Variants in PDHX observed in about 807,000 individuals in gnomAD.
PDHX encodes the protein pyruvate dehydrogenase complex component X.
In PDHX, 33 loss-of-function variants were observed where a neutral mutation model predicts 55.3. That is an observed-to-expected ratio of 0.60 (90% CI 0.45 to 0.80). The LOEUF (loss-of-function observed/expected upper bound fraction) is 0.80, where lower values mean the gene tolerates loss of function less well. PDHX is among the 30% of genes least tolerant of loss of function. The pLI is 0.00. For synonymous variants in PDHX, 226 were observed against 219.4 expected (o/e 1.03, Z -0.27); for missense variants, 622 against 619.9 (o/e 1.00, Z -0.04).
intron 2 of PDHX, among the ~76,000 whole-genome samples, chr11:34,935,241 C>T (rs1382924721): frequency 6.6e-6 from 1 of 151,966 alleles, no homozygotes; most frequent in African/African-American, 2.4e-5. Flanking sequence ...AGATGAGAAA[C>T]TAGTACCAGA....
At chr11:34,961,456 TTA>T (rs1314281406) in intron 5 of PDHX, among the ~76,000 whole-genome samples, 3 of 152,046 alleles carry the variant, frequency 2.0e-5, no homozygotes, top group Non-Finnish European at 4.4e-5. Flanking sequence ...CAAATTGAGT[TTA>T]TGTTTTAAAG....
intron 9 of PDHX, among the ~76,000 whole-genome samples, chr11:34,988,378 TA>T (rs1855695148): frequency 6.6e-6 from 1 of 152,148 alleles, no homozygotes; most frequent in South Asian, 2.1e-4. Flanking sequence ...AAAGAGAGGT[TA>T]AATAATTTGC....
At chr11:34,944,282 G>A (rs1433196784) in intron 2 of PDHX, among the ~76,000 whole-genome samples, 2 of 151,792 alleles carry the variant, frequency 1.3e-5, no homozygotes, top group African/African-American at 4.8e-5. Context: ...ACCTCTCCTG[G>A]CTAATTTTTG....
At chr11:34,986,411 C>G (rs1199516753) in intron 9 of PDHX, among the ~76,000 whole-genome samples, 3 of 151,358 alleles carry the variant, frequency 2.0e-5, no homozygotes, top group Admixed American at 2.0e-4. Flanking sequence ...TTGTGTTTAT[C>G]AAGGGTTTTC....
At chr11:34,982,266 C>G (rs1855532687) in intron 8 of PDHX, among the ~76,000 whole-genome samples, 1 of 152,150 alleles carries the variant, frequency 6.6e-6, no homozygotes, top group South Asian at 2.1e-4. Flanking sequence ...GGAATCGTTT[C>G]CCCATTTCTT....
intron 1 of PDHX, among the ~76,000 whole-genome samples, chr11:34,929,971 C>G (rs2133945127): frequency 6.6e-6 from 1 of 152,314 alleles, no homozygotes; most frequent in Non-Finnish European, 1.5e-5. Context: ...CTTAGTACAA[C>G]CCCACTTTAG....
intron 9 of PDHX, among the ~76,000 whole-genome samples, chr11:34,988,673 C>T (rs1855701300): frequency 6.6e-6 from 1 of 152,058 alleles, no homozygotes; most frequent in Admixed American, 6.6e-5. Flanking sequence ...GTTGATTCAC[C>T]AGGTAGAAGA....
At chr11:34,931,511 G>T in intron 2 of PDHX, 27 bp downstream of exon 2, 1 of 1,259,112 alleles carries the variant, frequency 7.9e-7, no homozygotes, top group African/African-American at 1.6e-5. Flanking sequence ...CTAATGTCCT[G>T]TGTGCTTTGT....
intron 2 of PDHX, among the ~76,000 whole-genome samples, chr11:34,933,467 G>A (rs1854225628): frequency 6.6e-6 from 1 of 152,248 alleles, no homozygotes; most frequent in South Asian, 2.1e-4. Flanking sequence ...ATGGGATAAA[G>A]CAAATGACTG....
intron 1 of PDHX, among the ~76,000 whole-genome samples, chr11:34,929,961 C>T (rs946657738): frequency 1.3e-5 from 2 of 152,224 alleles, no homozygotes; most frequent in South Asian, 4.1e-4. Flanking sequence ...GACTGGGCTT[C>T]TTAGTACAAC....
intron 7 of PDHX, among the ~76,000 whole-genome samples, chr11:34,972,429 G>A (rs968650776): frequency 2.7e-5 from 4 of 148,630 alleles, no homozygotes; most frequent in African/African-American, 1.0e-4. Context: ...ACAGGGTCTT[G>A]CTGTGTCACC....
At chr11:34,952,405 C>T (rs760706999) in intron 3 of PDHX, among the ~76,000 whole-genome samples, 5 of 152,158 alleles carry the variant, frequency 3.3e-5, no homozygotes, top group Non-Finnish European at 7.3e-5. Context: ...AATTTTAGAC[C>T]AGTATCCTTG....
intron 9 of PDHX, among the ~76,000 whole-genome samples, chr11:34,985,256 C>T (rs984833859): frequency 2.6e-5 from 4 of 152,180 alleles, no homozygotes; most frequent in Non-Finnish European, 4.4e-5. Context: ...ACCTGGCCAA[C>T]GTGGTGTAAC....
chr11:34,960,482 G>T lies in PDHX; in HGVS notation c.605G>T (p.Gly202Val). ...LEKHSLDASQ[G>V]TATGPRGIFT... is the part of the protein sequence containing the mutation. ...AAACACTCACTGGATGCTAGCCAGG[G>T]CACAGCCACTGGCCCTCGGGGGATA... is the stretch of plus-strand genomic sequence containing the variant. The change falls in exon 5 of 11, where the codon GGC becomes GTC. Residue 202 changes from glycine to valine, a missense_variant. Transcript: ENST00000227868. 1 of 1,612,866 alleles carries T rather than the reference G, an allele frequency of 6.2e-7. No homozygotes were observed. Among genetic ancestry groups the T allele is most frequent in the Non-Finnish European group, 8.5e-7 (1 of 1,179,072 alleles).
At chr11:34,980,389 G>T (rs2133993372) in intron 8 of PDHX, among the ~76,000 whole-genome samples, 1 of 86,950 alleles carries the variant, frequency 1.2e-5, no homozygotes, top group African/African-American at 4.2e-5. Flanking sequence ...GATTTATTGT[G>T]AAGAGCAAAA....
chr11:34,958,531 G>A (rs901799620), intron 4 of PDHX, among the ~76,000 whole-genome samples: 1 of 152,152 alleles, frequency 6.6e-6, no homozygotes, highest in Non-Finnish European at 1.5e-5. Flanking sequence ...TCGAACTCCT[G>A]ACTTCATGAT....
intron 6 of PDHX, 48 bp downstream of exon 6, chr11:34,966,862 T>TC (rs1855147200): frequency 6.4e-7 from 1 of 1,560,152 alleles, no homozygotes; most frequent in East Asian, 2.2e-5. Flanking sequence ...GTTTTTCTTT[T>TC]TTTTTTTGAG....
intron 6 of PDHX, 108 bp from the exon 7 acceptor site, chr11:34,970,031 G>A (rs914996476): frequency 2.3e-6 from 2 of 880,530 alleles, no homozygotes; most frequent in Non-Finnish European, 1.9e-6. Flanking sequence ...TAATTAATAA[G>A]TTAGGTCATT....
intron 1 of PDHX, among the ~76,000 whole-genome samples, chr11:34,929,888 A>C (rs887478976): frequency 6.6e-6 from 1 of 152,228 alleles, no homozygotes; most frequent in Non-Finnish European, 1.5e-5. Flanking sequence ...TAAGACAGAT[A>C]GAGATCAAAT....
Sources: allele counts gnomAD v4.1 joint callset (sites outside exome capture counted in the v4.1 genomes callset), GRCh38; gene constraint gnomAD v4.1.1; transcripts MANE v1.5; gene names NCBI Gene and HGNC (gene_info 2026-07-23, HGNC 2026-07-21).